Variants in RAB37 observed in about 807,000 individuals in gnomAD.
The protein encoded by RAB37 is ras-related protein Rab-37.
A neutral mutation model predicts 33.1 loss-of-function variants in RAB37; 29 were observed. The ratio of observed to expected loss-of-function variants is 0.88; its 90% CI spans 0.65 to 1.20. The LOEUF is 1.20. Ranked by LOEUF, RAB37 falls within the 50% of genes most tolerant of loss-of-function variation. The pLI, the probability that RAB37 is intolerant of heterozygous loss-of-function variation, is 0.00. For synonymous variants in RAB37, 128 were observed against 119.5 expected (o/e 1.07, Z -0.47); for missense variants, 299 against 301.1 (o/e 0.99, Z 0.05).
rs186676440 is a variant in RAB37 at position 74,704,770 on chromosome 17, G to A, written c.73-24486G>A. ...GCACGGTCAAGGAGCCCCGCTCCAAGCCATTCACTGTTGTTGGACCGGTGA... is the reference window on the plus strand; with the variant it reads ...GCACGGTCAAGGAGCCCCGCTCCAAACCATTCACTGTTGTTGGACCGGTGA... On this transcript the variant is annotated intron_variant, in intron 1 of 7. Transcript: ENST00000340415. 10 of 1,614,128 alleles carry A rather than the reference G, an allele frequency of 6.2e-6. No homozygotes were observed. In the East Asian group the frequency reaches 1.6e-4, roughly 25 times the overall value.
chr17:74,712,856 A>G, intron 1 of RAB37: 1 of 1,614,072 alleles, frequency 6.2e-7, no homozygotes, highest in Non-Finnish European at 8.5e-7. Flanking sequence ...GTAGAGTGTC[A>G]GCAGGGGCAT....
intron 1 of RAB37, among the ~76,000 whole-genome samples, chr17:74,714,521 G>A (rs2034134923): frequency 6.6e-6 from 1 of 151,902 alleles, no homozygotes; most frequent in Admixed American, 6.6e-5. Flanking sequence ...CTGAGAACAC[G>A]AAGGAAGCTC....
intron 1 of RAB37, among the ~76,000 whole-genome samples, chr17:74,721,373 C>T (rs909864677): frequency 6.6e-6 from 1 of 151,842 alleles, no homozygotes; most frequent in Non-Finnish European, 1.5e-5. Flanking sequence ...GTCTCTACTG[C>T]TGAATTATTT....
At chr17:74,723,340 G>T (rs1053575314) in intron 1 of RAB37, among the ~76,000 whole-genome samples, 1 of 151,624 alleles carries the variant, frequency 6.6e-6, no homozygotes, top group African/African-American at 2.4e-5. Flanking sequence ...TGGAAGATTT[G>T]CCCCAGCCCA....
chr17:74,692,881 T>C (rs1393116037), intron 1 of RAB37, among the ~76,000 whole-genome samples: 1 of 152,198 alleles, frequency 6.6e-6, no homozygotes, highest in Non-Finnish European at 1.5e-5. Flanking sequence ...CCAAATACAC[T>C]GCTTATTCAT....
At chr17:74,731,759 G>C (rs1166548589) in intron 2 of RAB37, among the ~76,000 whole-genome samples, 1 of 152,162 alleles carries the variant, frequency 6.6e-6, no homozygotes, top group Non-Finnish European at 1.5e-5. Flanking sequence ...TGTAATCCCA[G>C]CACTTTGGGA....
At position 74,744,684 on chromosome 17, in the gene RAB37, C is replaced by T. The variant is rs1380021792; in HGVS notation, c.433-189C>T. 8.7e-6 allele frequency: 6 copies of T among 692,612 alleles called. No homozygotes were observed. Among genetic ancestry groups the T allele is most frequent in the Admixed American group, 7.6e-5 (3 of 39,416 alleles). 42.9% of individuals were successfully genotyped at this position (692,612 alleles called of 1,614,324 possible). ...CCAACTGCTGTCCTATTCCAAGACCCTTTACCAAAGGTGAGATCCCAGAGC... is the reference window on the plus strand; with the variant it reads ...CCAACTGCTGTCCTATTCCAAGACCTTTTACCAAAGGTGAGATCCCAGAGC... On this transcript the variant is annotated intron_variant, in intron 6 of 8. Transcript: ENST00000392613. This position sits in a 1 kb window ranked among gnomAD's most constrained non-coding sequence, Gnocchi z 4.2.
Position 74,706,945 on chromosome 17 carries a change from A to G in RAB37, c.73-22311A>G, listed in dbSNP as rs78506255. ...AAACTCGACATCCACGTCCAGAAGAATGAAGCCGGACCTTTATCTCACAAC... is the reference window on the plus strand; with the variant it reads ...AAACTCGACATCCACGTCCAGAAGAGTGAAGCCGGACCTTTATCTCACAAC... On this transcript the variant is annotated intron_variant, in intron 1 of 7. Coordinates refer to the RAB37 transcript ENST00000340415. Among the ~76,000 whole-genome samples the G allele has an allele frequency of 2.8e-4, 42 of 152,366 alleles. No homozygotes were observed. In the East Asian group the frequency reaches 7.9e-3, roughly 29 times the overall value.
intron 1 of RAB37, among the ~76,000 whole-genome samples, chr17:74,726,272 G>A (rs943481527): frequency 2.0e-5 from 3 of 150,954 alleles, no homozygotes; most frequent in Non-Finnish European, 3.0e-5. Flanking sequence ...AATATGAGAG[G>A]ATCATCCTGC....
chr17:74,707,610 G>C (rs7219573), intron 1 of RAB37, among the ~76,000 whole-genome samples: 1,680 of 152,098 alleles, frequency 0.011, 24 homozygotes, highest in African/African-American at 0.039. Context: ...AGCTACTTGG[G>C]AGGCTGAGGT....
Position 74,676,111 on chromosome 17 carries a change from C to T in RAB37, c.72+4453C>T, listed in dbSNP as rs2031827620. On this transcript the variant is annotated intron_variant, in intron 1 of 7. Coordinates refer to the RAB37 transcript ENST00000340415. The surrounding 1 kb of genome is among the most constrained non-coding windows in gnomAD (Gnocchi z 4.1). ...GCCCACGGATTGGGTCCCTACTGTG[C>T]CAGGGTCTGACCTTGAGCTCCCAGA... Among the ~76,000 whole-genome samples, 2 of 152,056 alleles carry T rather than the reference C, an allele frequency of 1.3e-5. No individual in the cohort carries two copies. The highest frequency in any genetic ancestry group is 1.3e-4 in the Admixed American group (2 of 15,258).
rs185665588 is a variant in RAB37 at position 74,746,204 on chromosome 17, G to A, written c.*793G>A. ...CTGCCTGTGCACCTAAAAACCTCAGGTCAGAACTAGGAAAAGAGTTTTGTT... is the reference window on the plus strand; with the variant it reads ...CTGCCTGTGCACCTAAAAACCTCAGATCAGAACTAGGAAAAGAGTTTTGTT... On this transcript the variant is annotated 3_prime_UTR_variant, in exon 9 of 9. Transcript: ENST00000392613. The surrounding 1 kb of genome is among the most constrained non-coding windows in gnomAD (Gnocchi z 5.2). The A allele has an allele frequency of 1.3e-5, 2 of 152,268 alleles. No homozygotes were observed. Among genetic ancestry groups the A allele is most frequent in the Non-Finnish European group, 2.9e-5 (2 of 68,038 alleles). The allele number at this position is 152,268 out of a possible 1,614,324, so 9.4% of individuals were successfully genotyped here. A position where few individuals can be genotyped will look rare whatever the true frequency, so the allele number is the denominator to read the frequency against.
intron 1 of RAB37, among the ~76,000 whole-genome samples, chr17:74,739,899 G>A (rs924453904): frequency 7.2e-5 from 11 of 151,976 alleles, no homozygotes; most frequent in African/African-American, 1.7e-4. Flanking sequence ...GCTCACGCCC[G>A]TAATCCCAGC....
intron 1 of RAB37, among the ~76,000 whole-genome samples, chr17:74,714,543 C>T (rs557408377): frequency 6.6e-6 from 1 of 152,062 alleles, no homozygotes; most frequent in African/African-American, 2.4e-5. Flanking sequence ...TACTGCTGTA[C>T]CCCAGCCCAC....
chr17:74,708,147 CAAA>C (rs373733638), intron 1 of RAB37, among the ~76,000 whole-genome samples: 20 of 81,294 alleles, frequency 2.5e-4, no homozygotes, highest in Middle Eastern at 5.3e-3. Flanking sequence ...GACTCCATCT[CAAA>C]AAAAAAAAAA....
chr17:74,706,343 C>CTT (rs765052724), intron 1 of RAB37, among the ~76,000 whole-genome samples: 2 of 135,010 alleles, frequency 1.5e-5, no homozygotes, highest in Non-Finnish European at 3.2e-5. Context: ...TGTGCCTGGC[C>CTT]TTTTTTTTTT....
Position 74,745,676 on chromosome 17 carries a change from C to A in RAB37, c.*265C>A. On this transcript the variant is annotated 3_prime_UTR_variant, in exon 9 of 9. Coordinates refer to ENST00000392613, the MANE Select transcript of RAB37 (RefSeq NM_001006638.3). The surrounding 1 kb of genome is among the most constrained non-coding windows in gnomAD (Gnocchi z 4.5). ...AAAGGCGCCTGGATCCCCAAAAAAC[C>A]GAGGCTGGGAGCTAGTGGCCCTTTT... 5.4e-6 allele frequency: 2 copies of A among 370,888 alleles called. No individual in the cohort carries two copies. Among genetic ancestry groups the A allele is most frequent in the East Asian group, 5.4e-5 (1 of 18,634 alleles). 23.0% of individuals were successfully genotyped at this position (370,888 alleles called of 1,614,324 possible).
intron 1 of RAB37, chr17:74,695,647 C>T: frequency 3.1e-6 from 5 of 1,598,202 alleles, no homozygotes; most frequent in Non-Finnish European, 4.3e-6. Flanking sequence ...CAGGAGAAAG[C>T]CCACCCTCCA....
At chr17:74,740,368 G>A (rs915295150) in intron 1 of RAB37, among the ~76,000 whole-genome samples, 2 of 152,134 alleles carry the variant, frequency 1.3e-5, no homozygotes, top group Non-Finnish European at 2.9e-5. Flanking sequence ...GTGTACTCAC[G>A]AGCGGACGAT....
Sources: gnomAD v4.1 joint callset for allele counts (sites outside exome capture counted in the v4.1 genomes callset) on GRCh38, gnomAD v4.1.1 for gene constraint, Gnocchi (gnomAD v3.1) non-coding constraint, MANE v1.5 for transcripts, NCBI Gene and HGNC (gene_info 2026-07-23, HGNC 2026-07-21) for gene names.